Variants in PCDHGA5 observed in about 807,000 individuals in gnomAD.
The protein encoded by PCDHGA5 is protocadherin gamma-A5.
A neutral mutation model predicts 56.7 loss-of-function variants in PCDHGA5; 36 were observed. The observed-to-expected ratio is 0.64, with a 90% CI of 0.49 to 0.84. The LOEUF (loss-of-function observed/expected upper bound fraction) is 0.84, where lower values mean the gene tolerates loss of function less well. PCDHGA5 is among the 40% of genes least tolerant of loss of function. PCDHGA5 has a pLI of 0.00. For synonymous variants in PCDHGA5, 563 were observed against 520.2 expected (o/e 1.08, Z -1.12); for missense variants, 1,305 against 1,201.5 (o/e 1.09, Z -1.27).
chr5:141,388,373 T>TA (rs1239214460), intron 1 of PCDHGA5: 2 of 1,613,980 alleles, frequency 1.2e-6, no homozygotes, highest in African/African-American at 2.7e-5. Context: ...CGGATATTGG[T>TA]AGCAACACAC....
At position 141,488,726 on chromosome 5, in the gene PCDHGA5, G is replaced by A. The variant is rs1562126303; in HGVS notation, c.2422-6081G>A. 2.0e-5 allele frequency among the ~76,000 whole-genome samples: 3 copies of A among 152,194 alleles called. No homozygotes were observed. The South Asian group carries it at 6.2e-4, about 32-fold the overall frequency. ...TGCTGGTTCAAGCAAAGTGGTGGAA[G>A]CTTCTGAAGTCATGCAGGAAGTTGC... On this transcript the variant is annotated intron_variant, in intron 1 of 3. Transcript: ENST00000518069.
Position 141,364,754 on chromosome 5 carries a change from G to T in PCDHGA5, c.424G>T (p.Val142Phe). ...RFRDEELKVK[V>F]NENAAAGTRL... ...CCGGGATGAAGAGTTAAAAGTAAAA[G>T]TTAATGAAAATGCGGCTGCAGGGAC... The change falls in exon 1 of 4, where the codon GTT becomes TTT. Residue 142 changes from valine (V) to phenylalanine (F), a missense_variant. Transcript: ENST00000518069. The T allele has an allele frequency of 6.2e-7, 1 of 1,613,988 alleles. No individual in the cohort carries two copies. The highest frequency in any genetic ancestry group is 8.5e-7 in the Non-Finnish European group (1 of 1,179,900).
At chr5:141,453,700 G>A (rs953445370) in intron 1 of PCDHGA5, among the ~76,000 whole-genome samples, 1 of 152,166 alleles carries the variant, frequency 6.6e-6, no homozygotes, top group Non-Finnish European at 1.5e-5. Flanking sequence ...TCCTGGCTTT[G>A]AACAGTTTCA....
At position 141,413,736 on chromosome 5, in the gene PCDHGA5, G is replaced by A. The variant is rs189162146; in HGVS notation, c.2421+46985G>A. The A allele has an allele frequency of 1.9e-4, 309 of 1,613,452 alleles. No individual in the cohort carries two copies. In the African/African-American group the frequency reaches 3.0e-3, roughly 16 times the overall value. On this transcript the variant is annotated intron_variant, in intron 1 of 3. Coordinates refer to ENST00000518069, the MANE Select transcript of PCDHGA5 (RefSeq NM_018918.3). Reference sequence around the variant, plus strand: ...ATAAGCACTTCTCCCTAAGAGTTCAGAGCCGTGCCAATGGCGTCAAGTACC... The same window carrying A: ...ATAAGCACTTCTCCCTAAGAGTTCAAAGCCGTGCCAATGGCGTCAAGTACC...
chr5:141,393,057 G>A lies in PCDHGA5; in HGVS notation c.2421+26306G>A, dbSNP rs1273747847. On this transcript the variant is annotated intron_variant, in intron 1 of 3. Transcript: ENST00000518069. ...GCTCTTTGCTCTGAACCCGCGCAGC[G>A]GCAGCTTGATCACCGCGGGCAGGAT... 6 of 1,613,514 alleles carry A rather than the reference G, an allele frequency of 3.7e-6. No homozygotes were observed. The African/African-American group carries it at 4.0e-5, about 11-fold the overall frequency.
chr5:141,364,905 C>T lies in PCDHGA5; in HGVS notation c.575C>T (p.Pro192Leu), dbSNP rs1326447228. The T allele has an allele frequency of 2.5e-6, 4 of 1,613,944 alleles. No individual in the cohort carries two copies. The highest frequency in any genetic ancestry group is 2.7e-5 in the African/African-American group (2 of 75,032). Residue 192 changes from proline (P) to leucine (L), a missense_variant, in exon 1 of 4, where the codon CCG (proline) becomes CTG (leucine). Transcript: ENST00000518069. ...AGCGGAACTGATGGACAAAAGTATCCGGAGCTGGTGTTGGAACAGCCCCTA... is the reference window on the plus strand; with the variant it reads ...AGCGGAACTGATGGACAAAAGTATCTGGAGCTGGTGTTGGAACAGCCCCTA... ...VVSGTDGQKY[P>L]ELVLEQPLDR... is the part of the protein sequence containing the mutation.
intron 1 of PCDHGA5, chr5:141,374,632 A>T: frequency 1.2e-6 from 2 of 1,613,162 alleles, no homozygotes; most frequent in Non-Finnish European, 1.7e-6. Context: ...TGGACGTGCA[A>T]AGCGAAGCCC....
At position 141,364,263 on chromosome 5, in the gene PCDHGA5, G is replaced by A. The variant is rs997057589; in HGVS notation, c.-68G>A. 4.0e-6 allele frequency: 6 copies of A among 1,505,766 alleles called. No homozygotes were observed. The highest frequency in any genetic ancestry group is 4.7e-5 in the Admixed American group (2 of 42,758). The allele number at this position is 1,505,766 out of a possible 1,614,324, so 93.3% of individuals were successfully genotyped here. ...TTTCGTCAGGGAATATGTACCCATC[G>A]GCTTTAGATAAATAAGGAAACAGCA... On this transcript the variant is annotated 5_prime_UTR_variant, in exon 1 of 4. Coordinates refer to ENST00000518069, the MANE Select transcript of PCDHGA5 (RefSeq NM_018918.3).
intron 1 of PCDHGA5, chr5:141,392,917 T>C: frequency 2.5e-6 from 4 of 1,613,922 alleles, no homozygotes; most frequent in Non-Finnish European, 3.4e-6. Context: ...CGCTACTCTG[T>C]GCCAGAAGAG....
At chr5:141,492,859 C>G (rs966216924) in intron 1 of PCDHGA5, among the ~76,000 whole-genome samples, 1 of 152,232 alleles carries the variant, frequency 6.6e-6, no homozygotes, top group Non-Finnish European at 1.5e-5. Context: ...CTCGAGCGCC[C>G]TGGCTCTCAA....
chr5:141,396,631 A>C lies in PCDHGA5; in HGVS notation c.2421+29880A>C, dbSNP rs1471198116. 7 of 152,348 alleles carry C rather than the reference A, an allele frequency of 4.6e-5. No homozygotes were observed. The South Asian group carries it at 6.2e-4, about 14-fold the overall frequency. 9.4% of individuals were successfully genotyped at this position (152,348 alleles called of 1,614,324 possible). On this transcript the variant is annotated intron_variant, in intron 1 of 3. Transcript: ENST00000518069. ...TGAGACTCCGTCTCAAAAAAAAAAAAAACTAATATTAATAGTAAAAACTCG... is the reference window on the plus strand; with the variant it reads ...TGAGACTCCGTCTCAAAAAAAAAAACAACTAATATTAATAGTAAAAACTCG...
chr5:141,370,376 C>T, intron 1 of PCDHGA5: 1 of 1,527,960 alleles, frequency 6.5e-7, no homozygotes, highest in Non-Finnish European at 8.8e-7. Flanking sequence ...TTTAGAAAGG[C>T]AAAGGCGCAG....
chr5:141,432,421 C>T lies in PCDHGA5; in HGVS notation c.2422-62386C>T, dbSNP rs771647620. 10 of 1,614,126 alleles carry T rather than the reference C, an allele frequency of 6.2e-6. No homozygotes were observed. In the African/African-American group the frequency reaches 1.2e-4, roughly 19 times the overall value. ...TGTCGTTGAGCCTGTTCGTGCTGGA[C>T]CAGAACGACAATGCGCCCGAGATCC... On this transcript the variant is annotated intron_variant, in intron 1 of 3. Transcript: ENST00000518069. This position sits in a 1 kb window ranked among gnomAD's most constrained non-coding sequence, Gnocchi z 6.0.
At chr5:141,449,349 G>C (rs191322076) in intron 1 of PCDHGA5, among the ~76,000 whole-genome samples, 2 of 152,074 alleles carry the variant, frequency 1.3e-5, no homozygotes, top group African/African-American at 4.8e-5. Flanking sequence ...GCTCACTCCT[G>C]TAATCCCAGC....
chr5:141,486,843 A>G lies in PCDHGA5; in HGVS notation c.2422-7964A>G, dbSNP rs1455684942. On this transcript the variant is annotated intron_variant, in intron 1 of 3. Coordinates refer to ENST00000518069, the MANE Select transcript of PCDHGA5 (RefSeq NM_018918.3). The surrounding 1 kb of genome is among the most constrained non-coding windows in gnomAD (Gnocchi z 5.0). ...GTAACAGTTCGTCTATTTGTGCTGG[A>G]CCTCAATGACAATGCTCCAGCTGTG... 6.2e-7 allele frequency: 1 copy of G among 1,614,214 alleles called. No homozygotes were observed. Among genetic ancestry groups the G allele is most frequent in the Admixed American group, 1.7e-5 (1 of 60,034 alleles).
At chr5:141,428,489 T>C (rs2097142285) in intron 1 of PCDHGA5, 1 of 312,516 alleles carries the variant, frequency 3.2e-6, no homozygotes. Context: ...TCCTGCAATC[T>C]GTATGTTCCC....
chr5:141,432,053 C>T lies in PCDHGA5; in HGVS notation c.2422-62754C>T. The T allele has an allele frequency of 6.2e-7, 1 of 1,614,240 alleles. No homozygotes were observed. Among genetic ancestry groups the T allele is most frequent in the South Asian group, 1.1e-5 (1 of 91,082 alleles). ...CGCCACTGACCGGGGAACCCCGCCC[C>T]TATCCACGGAAACTCATATCTCGCT... On this transcript the variant is annotated intron_variant, in intron 1 of 3. Transcript: ENST00000518069. The surrounding 1 kb of genome is among the most constrained non-coding windows in gnomAD (Gnocchi z 6.0).
At position 141,431,178 on chromosome 5, in the gene PCDHGA5, T is replaced by A; in HGVS notation, c.2422-63629T>A. 2 of 1,614,078 alleles carry A rather than the reference T, an allele frequency of 1.2e-6. No individual in the cohort carries two copies. Among genetic ancestry groups the A allele is most frequent in the Non-Finnish European group, 1.7e-6 (2 of 1,180,000 alleles). On this transcript the variant is annotated intron_variant, in intron 1 of 3. Coordinates refer to ENST00000518069, the MANE Select transcript of PCDHGA5 (RefSeq NM_018918.3). This position sits in a 1 kb window ranked among gnomAD's most constrained non-coding sequence, Gnocchi z 4.8. ...TACTTTCGTGAAAGTGAATTAGAAATAAAAATTAGTGAAAATGCAGCCACT... is the reference window on the plus strand; with the variant it reads ...TACTTTCGTGAAAGTGAATTAGAAAAAAAAATTAGTGAAAATGCAGCCACT...
At chr5:141,397,818 T>TAA (rs748152113) in intron 1 of PCDHGA5, among the ~76,000 whole-genome samples, 1 of 152,226 alleles carries the variant, frequency 6.6e-6, no homozygotes, top group Non-Finnish European at 1.5e-5. Flanking sequence ...CAAAAACAAT[T>TAA]ACTGCACTGG....
Sources: gnomAD v4.1 joint callset for allele counts (sites outside exome capture counted in the v4.1 genomes callset) on GRCh38, gnomAD v4.1.1 for gene constraint, Gnocchi (gnomAD v3.1) non-coding constraint, MANE v1.5 for transcripts, NCBI Gene and HGNC (gene_info 2026-07-23, HGNC 2026-07-21) for gene names.